The following TMCC3 variants were observed in gnomAD, a reference collection of about 807,000 sequenced individuals.
The protein encoded by TMCC3 is transmembrane and coiled-coil domain protein 3.
TMCC3 carries 28 observed loss-of-function variants against 40.2 expected under a neutral mutation model. The ratio of observed to expected loss-of-function variants is 0.70; its 90% CI spans 0.52 to 0.95. The LOEUF (loss-of-function observed/expected upper bound fraction) is 0.95. Ranked by LOEUF, TMCC3 falls within the 40% of genes least tolerant of loss-of-function variation. The probability of loss-of-function intolerance (pLI) is 0.00; values close to 1 mark genes in which losing one functional copy is unlikely to be tolerated. For synonymous variants in TMCC3, 255 were observed against 248.5 expected (o/e 1.03, Z -0.25); for missense variants, 554 against 615.2 (o/e 0.90, Z 1.05).
intron 1 of TMCC3, chr12:94,615,786 G>A: frequency 2.6e-6 from 1 of 391,512 alleles, no homozygotes; most frequent in Non-Finnish European, 3.5e-6. Flanking sequence ...ATTTGGGCAA[G>A]CACAAAGATA....
At chr12:94,617,536 A>G (rs921066659) in intron 1 of TMCC3, among the ~76,000 whole-genome samples, 2 of 152,190 alleles carry the variant, frequency 1.3e-5, no homozygotes, top group African/African-American at 4.8e-5. Context: ...ATTATAATTG[A>G]GTACTTAACC....
At chr12:94,610,652 G>A (rs1384403072) in intron 1 of TMCC3, among the ~76,000 whole-genome samples, 1 of 152,056 alleles carries the variant, frequency 6.6e-6, no homozygotes, top group African/African-American at 2.4e-5. Context: ...TAAAATTCTA[G>A]TACAATGGGA....
At chr12:94,599,015 A>G (rs1402906465) in intron 1 of TMCC3, among the ~76,000 whole-genome samples, 1 of 152,166 alleles carries the variant, frequency 6.6e-6, no homozygotes, top group Non-Finnish European at 1.5e-5. Context: ...TGTATCCTAA[A>G]TAAAGGTTTG....
chr12:94,622,134 G>A (rs2068878912), intron 1 of TMCC3, among the ~76,000 whole-genome samples: 1 of 152,132 alleles, frequency 6.6e-6, no homozygotes, highest in Admixed American at 6.5e-5. Flanking sequence ...ACACACTTTT[G>A]GTTATGGCAA....
At chr12:94,583,216 G>A (rs538460003) in intron 1 of TMCC3, among the ~76,000 whole-genome samples, 119 of 149,716 alleles carry the variant, frequency 7.9e-4, no homozygotes, top group Non-Finnish European at 1.3e-3. Context: ...GGGTGGGGGC[G>A]TGGCGCTGCT....
At chr12:94,636,013 G>A (rs1444430436) in intron 1 of TMCC3, among the ~76,000 whole-genome samples, 1 of 152,120 alleles carries the variant, frequency 6.6e-6, no homozygotes, top group African/African-American at 2.4e-5. Flanking sequence ...GTTGGGAAGG[G>A]AAGAGGAAGA....
At chr12:94,592,427 G>A (rs2068682135) in intron 1 of TMCC3, among the ~76,000 whole-genome samples, 1 of 151,090 alleles carries the variant, frequency 6.6e-6, no homozygotes, top group Admixed American at 6.6e-5. Flanking sequence ...ATCACTTGAG[G>A]TCAGGAGTTT....
intron 1 of TMCC3, among the ~76,000 whole-genome samples, chr12:94,645,465 T>C (rs1404470704): frequency 2.6e-5 from 4 of 152,056 alleles, no homozygotes; most frequent in Admixed American, 1.3e-4. Context: ...GGAGATGGAG[T>C]CTCCCTCTGT....
chr12:94,598,640 T>G (rs1247961239), intron 1 of TMCC3: 1 of 985,326 alleles, frequency 1.0e-6, no homozygotes, highest in African/African-American at 1.7e-5. Flanking sequence ...ACTCCCTCTT[T>G]GGCTAAAGCT....
At chr12:94,606,702 G>A (rs776004136) in intron 1 of TMCC3, among the ~76,000 whole-genome samples, 65 of 152,240 alleles carry the variant, frequency 4.3e-4, no homozygotes, top group Non-Finnish European at 4.4e-4. Context: ...TGGTAGGACC[G>A]TGATGACCCC....
intron 1 of TMCC3, among the ~76,000 whole-genome samples, chr12:94,611,844 T>G (rs1352497187): frequency 1.3e-5 from 2 of 151,952 alleles, no homozygotes; most frequent in African/African-American, 4.8e-5. Flanking sequence ...CCCTGGTTGG[T>G]TGAATCCATG....
intron 1 of TMCC3, chr12:94,590,783 T>G (rs4761637): frequency 2.4e-6 from 1 of 425,246 alleles, no homozygotes; most frequent in Non-Finnish European, 4.6e-6. Flanking sequence ...TGCTCCTGTG[T>G]TCTCAGGAGA....
At chr12:94,572,677 A>C (rs1308662578) in intron 3 of TMCC3, among the ~76,000 whole-genome samples, 2 of 152,164 alleles carry the variant, frequency 1.3e-5, no homozygotes, top group Admixed American at 1.3e-4. Flanking sequence ...ATCAGGGACA[A>C]AGCAGAGAAG....
chr12:94,574,819 C>A (rs183086434), intron 3 of TMCC3, among the ~76,000 whole-genome samples: 1 of 152,250 alleles, frequency 6.6e-6, no homozygotes, highest in East Asian at 1.9e-4. Context: ...TGGAACAAGA[C>A]AAAAGACCAA....
intron 1 of TMCC3, among the ~76,000 whole-genome samples, chr12:94,613,032 G>A (rs984956192): frequency 1.3e-5 from 2 of 150,892 alleles, no homozygotes; most frequent in African/African-American, 4.9e-5. Context: ...AAAGCCTATG[G>A]GCAATAAAAT....
At chr12:94,582,654 G>C in intron 1 of TMCC3, 116 bp from the exon 2 acceptor site, 3 of 945,922 alleles carry the variant, frequency 3.2e-6, no homozygotes, top group Non-Finnish European at 3.1e-6. Flanking sequence ...CGAACTACAA[G>C]TGTCACGGGA....
intron 1 of TMCC3, among the ~76,000 whole-genome samples, chr12:94,593,712 T>A (rs1024301692): frequency 6.6e-6 from 1 of 152,146 alleles, no homozygotes; most frequent in Admixed American, 6.5e-5. Context: ...TATCTTCTCA[T>A]TAAGCCTCTA....
At chr12:94,596,207 T>C (rs747475683) in intron 1 of TMCC3, among the ~76,000 whole-genome samples, 1 of 152,198 alleles carries the variant, frequency 6.6e-6, no homozygotes, top group Non-Finnish European at 1.5e-5. Context: ...GGCTGGACCT[T>C]TATATACACT....
At chr12:94,573,913 G>C (rs2068548077) in intron 3 of TMCC3, among the ~76,000 whole-genome samples, 2 of 152,180 alleles carry the variant, frequency 1.3e-5, no homozygotes, top group African/African-American at 4.8e-5. Context: ...TGATCCATGA[G>C]ATGAGATCAA....
Sources: gnomAD v4.1 joint callset for allele counts (sites outside exome capture counted in the v4.1 genomes callset) on GRCh38, gnomAD v4.1.1 for gene constraint, MANE v1.5 for transcripts, NCBI Gene and HGNC (gene_info 2026-07-23, HGNC 2026-07-21) for gene names.